Variants in CD163 observed in about 807,000 individuals in gnomAD.
The protein encoded by CD163 is CD163 molecule, also known as scavenger receptor cysteine-rich type 1 protein M130.
A neutral mutation model predicts 129.2 loss-of-function variants in CD163; 64 were observed. That is an observed-to-expected ratio of 0.50 (90% CI 0.41 to 0.61). The LOEUF is 0.61. Ranked by LOEUF, CD163 falls within the 20% of genes least tolerant of loss-of-function variation. The pLI is 0.00. For missense variants in CD163, 1,061 were observed against 1,377.9 expected (o/e 0.77, Z 3.64); for synonymous variants, 446 against 478.5 (o/e 0.93, Z 0.89).
chr12:7,490,942 T>C (rs1386354201), intron 6 of CD163, among the ~76,000 whole-genome samples: 1 of 152,006 alleles, frequency 6.6e-6, no homozygotes, highest in Non-Finnish European at 1.5e-5. Context: ...TCTTTTTGAA[T>C]CTTTATTCAA....
rs758460376 is a variant in CD163, at chr12:7,486,757, T to C, written c.2200A>G (p.Ile734Val). 2 of 1,614,042 alleles carry C rather than the reference T, an allele frequency of 1.2e-6. No individual in the cohort carries two copies. The highest frequency in any genetic ancestry group is 2.2e-5 in the South Asian group (2 of 91,062). The change falls in exon 10 of 17, where the codon ATC becomes GTC. Residue 734 changes from isoleucine (I) to valine (V), a missense_variant. Ile to Val is a conservative substitution (Grantham distance 29, BLOSUM62 3). Transcript: ENST00000432237. ...GTGCCCCAGGAGCCCTCATGATAGA[T>C]CTCTACTCTCCCAGCACAGCGACCT... ...GGGRCAGRVEIYHEGSWGTIC... is the reference protein window; with the variant it reads ...GGGRCAGRVEVYHEGSWGTIC...
chr12:7,499,228 A>T (rs369241563), intron 3 of CD163, 40 bp from the exon 4 acceptor site: 6 of 1,518,506 alleles, frequency 4.0e-6, no homozygotes, highest in Non-Finnish European at 5.3e-6. Flanking sequence ...AGTTACATTC[A>T]TTTAGAAGTG....
At chr12:7,497,165 A>AT in intron 4 of CD163, 32 bp from the exon 5 acceptor site, 1 of 1,564,300 alleles carries the variant, frequency 6.4e-7, no homozygotes, top group Non-Finnish European at 8.7e-7. Context: ...GGTCTGCGAT[A>AT]AGGAAGCAAG....
rs543552000 is a variant in CD163 at position 7,470,908 on chromosome 12, AT to A, written c.*520del. On this transcript the variant is annotated 3_prime_UTR_variant, in exon 17 of 17. Coordinates refer to ENST00000432237, the MANE Select transcript of CD163 (RefSeq NM_203416.4). ...AAAGAATCGTTGTGAGTCATGCCTT[AT>A]AAAGTTAGCCATATATTATTTACAG... 6.6e-6 allele frequency: 1 copy of A among 152,186 alleles called. No homozygotes were observed. Among genetic ancestry groups the A allele is most frequent in the Non-Finnish European group, 1.5e-5 (1 of 68,016 alleles). 9.4% of individuals were successfully genotyped at this position (152,186 alleles called of 1,614,324 possible).
intron 13 of CD163, 78 bp downstream of exon 13, chr12:7,482,888 C>G (rs1203103268): frequency 9.4e-6 from 15 of 1,589,114 alleles, no homozygotes; most frequent in Non-Finnish European, 1.3e-5. Context: ...CTCAGAACGT[C>G]TGACCTAAAA....
At chr12:7,472,912 G>C (rs1347698084) in intron 16 of CD163, among the ~76,000 whole-genome samples, 1 of 152,060 alleles carries the variant, frequency 6.6e-6, no homozygotes, top group Non-Finnish European at 1.5e-5. Context: ...CACAGCATGA[G>C]AACTTCGTGA....
At chr12:7,480,077 C>A in intron 15 of CD163, 164 bp from the exon 16 acceptor site, 1 of 1,320,700 alleles carries the variant, frequency 7.6e-7, no homozygotes, top group Non-Finnish European at 1.0e-6. Flanking sequence ...CAACTAAAAA[C>A]ACCACCCATA....
chr12:7,474,828 G>A (rs1211416160), intron 16 of CD163, among the ~76,000 whole-genome samples: 1 of 151,926 alleles, frequency 6.6e-6, no homozygotes, highest in African/African-American at 2.4e-5. Flanking sequence ...CAGACCACTA[G>A]CCAGACTAAT....
At chr12:7,474,518 T>C (rs1253261424) in intron 16 of CD163, among the ~76,000 whole-genome samples, 1 of 152,164 alleles carries the variant, frequency 6.6e-6, no homozygotes, top group African/African-American at 2.4e-5. Context: ...ATGAAGTTCT[T>C]TGAAACCAAT....
Position 7,487,901 on chromosome 12 carries a change from C to G in CD163, c.1607G>C (p.Gly536Ala), listed in dbSNP as rs369056300. The stretch of plus-strand genomic sequence containing the variant: ...TTCTTCAGCCCAGATCTGTCCATTT[C>G]CCTCTCCAAAGTGAGCTCCCCCCAG... ...SILGGAHFGE[G>A]NGQIWAEEFQ... is the part of the protein sequence containing the mutation. The change falls in exon 7 of 17, where the codon GGA (glycine) becomes GCA (alanine). Residue 536 changes from glycine (G) to alanine (A), a missense_variant. Coordinates refer to ENST00000432237, the MANE Select transcript of CD163 (RefSeq NM_203416.4). This position sits in a 1 kb window ranked among gnomAD's most constrained non-coding sequence, Gnocchi z 5.1. 22 of 1,614,114 alleles carry G rather than the reference C, an allele frequency of 1.4e-5. No homozygotes were observed. The highest frequency in any genetic ancestry group is 3.3e-4 in the Middle Eastern group (2 of 6,062).
intron 4 of CD163, 65 bp from the exon 5 acceptor site, chr12:7,497,198 T>C (rs755309862): frequency 4.6e-5 from 56 of 1,211,300 alleles, no homozygotes; most frequent in Non-Finnish European, 6.3e-5. Context: ...TAAATAGCTA[T>C]ACCTGAGATG....
At chr12:7,502,733 T>C (rs1157348940) in intron 1 of CD163, 169 bp from the exon 2 acceptor site, 1 of 644,648 alleles carries the variant, frequency 1.6e-6, no homozygotes, top group African/African-American at 1.8e-5. Context: ...TCATATAGTT[T>C]CAGTGAAATG....
chr12:7,481,959 C>T (rs997315322), intron 14 of CD163, among the ~76,000 whole-genome samples: 2 of 152,122 alleles, frequency 1.3e-5, no homozygotes, highest in African/African-American at 2.4e-5. Context: ...TGTCCCCAAG[C>T]CTCTTTGAAG....
chr12:7,472,544 C>A (rs932101361), intron 16 of CD163, among the ~76,000 whole-genome samples: 1 of 152,080 alleles, frequency 6.6e-6, no homozygotes, highest in African/African-American at 2.4e-5. Flanking sequence ...ACAAAAAGGA[C>A]CCCTACACAA....
rs1324803229 is a variant in CD163 at position 7,488,026 on chromosome 12, C to T, written c.1482G>A (p.Lys494=). 1 of 1,614,068 alleles carries T rather than the reference C, an allele frequency of 6.2e-7. No individual in the cohort carries two copies. The highest frequency in any genetic ancestry group is 2.2e-5 in the East Asian group (1 of 44,842). ...AGATGGAGCCCCACGTGTCACCATG[C>T]TTCACTTCAACACGTCCAGAACAGG... ...DIPCSGRVEV[K]HGDTWGSICD... The change falls in exon 7 of 17, where the codon AAG becomes AAA. Residue 494 remains lysine (K), a synonymous_variant. Coordinates refer to ENST00000432237, the MANE Select transcript of CD163 (RefSeq NM_203416.4).
Position 7,496,743 on chromosome 12 carries a change from G to A in CD163, c.1099+70C>T. ...TAAGGAGCACGTTCCTACTCTTAAG[G>A]AGCACAGGACTTTCCGTTTCTGCTT... On this transcript the variant is annotated intron_variant, in intron 5 of 16. Coordinates refer to ENST00000432237, the MANE Select transcript of CD163 (RefSeq NM_203416.4). This position sits in a 1 kb window ranked among gnomAD's most constrained non-coding sequence, Gnocchi z 4.8. 2.2e-6 allele frequency: 3 copies of A among 1,344,304 alleles called. No homozygotes were observed. The South Asian group carries it at 3.6e-5, about 16-fold the overall frequency. The allele number at this position is 1,344,304 out of a possible 1,614,324, so 83.3% of individuals were successfully genotyped here. A position where few individuals can be genotyped will look rare whatever the true frequency, so the allele number is the denominator to read the frequency against.
Position 7,487,322 on chromosome 12 carries a change from C to T in CD163, c.2050+37G>A, listed in dbSNP as rs1211865428. On this transcript the variant is annotated intron_variant, in intron 8 of 16. Coordinates refer to ENST00000432237, the MANE Select transcript of CD163 (RefSeq NM_203416.4). The surrounding 1 kb of genome is among the most constrained non-coding windows in gnomAD (Gnocchi z 5.1). ...TTCTTCATCCCTATGTACACCTTCT[C>T]TTAAGACCCATCACTGGCTGCCCGT... is the stretch of plus-strand genomic sequence containing the variant. 1 of 1,537,606 alleles carries T rather than the reference C, an allele frequency of 6.5e-7. No homozygotes were observed. The highest frequency in any genetic ancestry group is 8.7e-7 in the Non-Finnish European group (1 of 1,145,626).
In CD163 at chr12:7,488,039, C is replaced by A. The variant is rs781525056; in HGVS notation, c.1469G>T (p.Arg490Leu). ...LVGGDIPCSG[R>L]VEVKHGDTWG... Reference sequence around the variant, plus strand: ...CGTGTCACCATGCTTCACTTCAACACGTCCAGAACAGGGAATGTCCCCTCC... The same window carrying A: ...CGTGTCACCATGCTTCACTTCAACAAGTCCAGAACAGGGAATGTCCCCTCC... Residue 490 changes from arginine to leucine, a missense_variant, in exon 7 of 17, where the codon CGT (arginine) becomes CTT (leucine). By Grantham distance (102) the Arg-to-Leu change is moderately radical. Coordinates refer to ENST00000432237, the MANE Select transcript of CD163 (RefSeq NM_203416.4). 5.6e-6 allele frequency: 9 copies of A among 1,614,024 alleles called. No individual in the cohort carries two copies. Among genetic ancestry groups the A allele is most frequent in the Non-Finnish European group, 7.6e-6 (9 of 1,179,958 alleles).
In CD163 at chr12:7,471,020, C is replaced by G. The variant is rs1348727344; in HGVS notation, c.*409G>C. Reference sequence around the variant, plus strand: ...TTTATTTGGTAATAGGAAAATTATTCAAACCAAATAAGAAAAAATATACAG... The same window carrying G: ...TTTATTTGGTAATAGGAAAATTATTGAAACCAAATAAGAAAAAATATACAG... On this transcript the variant is annotated 3_prime_UTR_variant, in exon 17 of 17. Coordinates refer to ENST00000432237, the MANE Select transcript of CD163 (RefSeq NM_203416.4). 6.6e-6 allele frequency: 1 copy of G among 151,818 alleles called. No individual in the cohort carries two copies. The highest frequency in any genetic ancestry group is 1.5e-5 in the Non-Finnish European group (1 of 67,946). The allele number at this position is 151,818 out of a possible 1,614,324, so 9.4% of individuals were successfully genotyped here. A position where few individuals can be genotyped will look rare whatever the true frequency, so the allele number is the denominator to read the frequency against.
Sources: allele counts gnomAD v4.1 joint callset (sites outside exome capture counted in the v4.1 genomes callset), GRCh38; gene constraint gnomAD v4.1.1; non-coding constraint Gnocchi (gnomAD v3.1); transcripts MANE v1.5; gene names NCBI Gene and HGNC (gene_info 2026-07-23, HGNC 2026-07-21).